Variants in CFAP20DC observed in about 807,000 individuals in gnomAD.
CFAP20DC encodes the protein CFAP20 domain containing.
In CFAP20DC, 84 loss-of-function variants were observed where a neutral mutation model predicts 101.7. That is an observed-to-expected ratio of 0.83 (90% CI 0.69 to 0.99). The LOEUF (loss-of-function observed/expected upper bound fraction) is 0.99, where lower values mean the gene tolerates loss of function less well. CFAP20DC is among the 50% of genes least tolerant of loss of function. The probability of loss-of-function intolerance (pLI) is 0.00; values close to 1 mark genes in which losing one functional copy is unlikely to be tolerated. For synonymous variants in CFAP20DC, 359 were observed against 351.2 expected (o/e 1.02, Z -0.25); for missense variants, 1,007 against 970.3 (o/e 1.04, Z -0.50).
intron 3 of CFAP20DC, among the ~76,000 whole-genome samples, chr3:58,733,613 T>C (rs960563002): frequency 2.6e-5 from 4 of 152,214 alleles, no homozygotes; most frequent in African/African-American, 9.6e-5. Context: ...TGGATTCTTA[T>C]TATTTTACTC....
Position 58,728,695 on chromosome 3 carries a change from G to A in CFAP20DC, c.198-11067C>T, listed in dbSNP as rs556154263. 2.0e-5 allele frequency among the ~76,000 whole-genome samples: 3 copies of A among 152,148 alleles called. No homozygotes were observed. The highest frequency in any genetic ancestry group is 7.2e-5 in the African/African-American group (3 of 41,432). ...ATCATATGCCAGAGCTTTGGTAAAT[G>A]CATGAACTCTACACACCGTATTGGA... On this transcript the variant is annotated intron_variant, in intron 3 of 3. Coordinates refer to the CFAP20DC transcript ENST00000486145. This position sits in a 1 kb window ranked among gnomAD's most constrained non-coding sequence, Gnocchi z 4.7.
At chr3:58,915,713 T>A (rs1383710519) in intron 5 of CFAP20DC, among the ~76,000 whole-genome samples, 1 of 152,132 alleles carries the variant, frequency 6.6e-6, no homozygotes, top group Non-Finnish European at 1.5e-5. Flanking sequence ...AAAAACATTT[T>A]AAAAATTGTA....
At chr3:58,819,049 C>T (rs1334221827) in intron 14 of CFAP20DC, among the ~76,000 whole-genome samples, 1 of 150,412 alleles carries the variant, frequency 6.6e-6, no homozygotes, top group Non-Finnish European at 1.5e-5. Flanking sequence ...CTACTGGGTA[C>T]ATAACGAAAT....
intron 5 of CFAP20DC, among the ~76,000 whole-genome samples, chr3:58,924,749 A>T (rs2085759566): frequency 6.6e-6 from 1 of 151,980 alleles, no homozygotes; most frequent in South Asian, 2.1e-4. Context: ...TTGTTTTTTG[A>T]CTTTTTAATA....
intron 4 of CFAP20DC, among the ~76,000 whole-genome samples, chr3:58,974,720 G>A (rs926513431): frequency 6.6e-6 from 1 of 152,266 alleles, no homozygotes; most frequent in East Asian, 1.9e-4. Flanking sequence ...AGGTTTCCAG[G>A]TGGAGGTTGT....
At chr3:58,890,093 C>G (rs1395659586) in intron 6 of CFAP20DC, among the ~76,000 whole-genome samples, 1 of 150,948 alleles carries the variant, frequency 6.6e-6, no homozygotes, top group Non-Finnish European at 1.5e-5. Flanking sequence ...GGGTGGTGGC[C>G]GGGCAGAGGG....
intron 4 of CFAP20DC, among the ~76,000 whole-genome samples, chr3:58,990,363 A>G (rs2092900030): frequency 6.6e-6 from 1 of 152,188 alleles, no homozygotes. Context: ...GGTTTTGTAT[A>G]CGTGTATTAA....
At chr3:58,836,628 C>A (rs1221968736) in intron 13 of CFAP20DC, among the ~76,000 whole-genome samples, 1 of 152,070 alleles carries the variant, frequency 6.6e-6, no homozygotes, top group Admixed American at 6.6e-5. Flanking sequence ...TGTTCTGGAG[C>A]CTACAAAATC....
At chr3:58,753,962 C>G (rs1575553784) in intron 15 of CFAP20DC, 99 bp from the exon 16 acceptor site, 1 of 720,030 alleles carries the variant, frequency 1.4e-6, no homozygotes, top group East Asian at 2.8e-5. Flanking sequence ...CAAAAAGAAA[C>G]ACTTTTTTTC....
chr3:58,881,552 T>C lies in CFAP20DC; in HGVS notation c.715+2993A>G, dbSNP rs1380557821. Among the ~76,000 whole-genome samples, 4 of 152,270 alleles carry C rather than the reference T, an allele frequency of 2.6e-5. No homozygotes were observed. In the South Asian group the frequency reaches 8.3e-4, roughly 32 times the overall value. ...ATTAAAAGCTCTTGATCAAGTTATA[T>C]GCTATTCAACAAAATGCACTCCAAA... On this transcript the variant is annotated intron_variant, in intron 7 of 16. Transcript: ENST00000482387.
chr3:58,866,530 CATT>C (rs749363519), intron 11 of CFAP20DC, 33 bp downstream of exon 11: 1 of 1,511,164 alleles, frequency 6.6e-7, no homozygotes, highest in East Asian at 2.4e-5. Flanking sequence ...ACATTTTATT[CATT>C]ATTAACAGAT....
intron 13 of CFAP20DC, among the ~76,000 whole-genome samples, chr3:58,842,924 G>A (rs573947000): frequency 1.9e-4 from 29 of 152,252 alleles, no homozygotes; most frequent in Non-Finnish European, 3.7e-4. Context: ...ACACGGCAGC[G>A]TATTCCAACA....
At chr3:58,937,981 G>A (rs2087945875) in intron 4 of CFAP20DC, among the ~76,000 whole-genome samples, 1 of 152,042 alleles carries the variant, frequency 6.6e-6, no homozygotes, top group South Asian at 2.1e-4. Flanking sequence ...CACTTAATAT[G>A]CTAATTTATT....
intron 14 of CFAP20DC, among the ~76,000 whole-genome samples, chr3:58,818,618 C>G (rs1370329790): frequency 3.4e-5 from 5 of 145,420 alleles, no homozygotes; most frequent in Admixed American, 6.9e-5. Context: ...GCACCCAATA[C>G]AGGAGCACCC....
intron 15 of CFAP20DC, among the ~76,000 whole-genome samples, chr3:58,786,427 G>A (rs552296857): frequency 3.7e-4 from 56 of 152,102 alleles, no homozygotes; most frequent in African/African-American, 1.2e-3. Flanking sequence ...AGCTACCTGA[G>A]GTCAATCATG....
Position 59,015,255 on chromosome 3 carries a change from C to T in CFAP20DC, c.278+24302G>A, listed in dbSNP as rs1309994904. Among the ~76,000 whole-genome samples, 1 of 151,926 alleles carries T rather than the reference C, an allele frequency of 6.6e-6. No homozygotes were observed. The highest frequency in any genetic ancestry group is 1.5e-5 in the Non-Finnish European group (1 of 68,002). ...CCATTTCCTGTGGCCCTCAGGCACC[C>T]ACTTTCTCTTCTTGAGTAAGTTTAC... On this transcript the variant is annotated intron_variant, in intron 4 of 16. Transcript: ENST00000482387. This position sits in a 1 kb window ranked among gnomAD's most constrained non-coding sequence, Gnocchi z 5.4.
Position 58,882,294 on chromosome 3 carries a change from T to C in CFAP20DC, c.715+2251A>G, listed in dbSNP as rs984106752. On this transcript the variant is annotated intron_variant, in intron 7 of 16. Coordinates refer to ENST00000482387, the MANE Select transcript of CFAP20DC (RefSeq NM_001394063.1). This position sits in a 1 kb window ranked among gnomAD's most constrained non-coding sequence, Gnocchi z 4.2. The stretch of plus-strand genomic sequence containing the variant: ...AAAAAGTTTGTGTTTAATTATAACA[T>C]TGAGTTAGTGATGCAATTAATATTT... Among the ~76,000 whole-genome samples, 4 of 150,696 alleles carry C rather than the reference T, an allele frequency of 2.7e-5. No homozygotes were observed. The highest frequency in any genetic ancestry group is 7.5e-5 in the African/African-American group (3 of 40,038).
downstream of CFAP20DC, among the ~76,000 whole-genome samples, chr3:58,738,988 A>G (rs2067820508): frequency 6.6e-6 from 1 of 152,242 alleles, no homozygotes; most frequent in African/African-American, 2.4e-5. The surrounding 1 kb of genome is among the most constrained non-coding windows in gnomAD (Gnocchi z 4.4). Context: ...CTGTGACTAC[A>G]TTATTCTTAT....
chr3:58,902,738 C>T (rs1343958461), intron 6 of CFAP20DC, among the ~76,000 whole-genome samples: 1 of 152,140 alleles, frequency 6.6e-6, no homozygotes, highest in East Asian at 1.9e-4. Flanking sequence ...GCTCAAGTCC[C>T]TTATGTAAAA....
Sources: allele counts gnomAD v4.1 joint callset (sites outside exome capture counted in the v4.1 genomes callset), GRCh38; gene constraint gnomAD v4.1.1; non-coding constraint Gnocchi (gnomAD v3.1); transcripts MANE v1.5; gene names NCBI Gene and HGNC (gene_info 2026-07-23, HGNC 2026-07-21).